The following KATNIP variants were observed in gnomAD, a reference collection of about 807,000 sequenced individuals.
KATNIP encodes katanin-interacting protein.
Under a neutral mutation model 174.0 loss-of-function variants are expected in KATNIP, and 126 were observed. That is an observed-to-expected ratio of 0.72 (90% CI 0.63 to 0.84). The LOEUF is 0.84. Ranked by LOEUF, KATNIP falls within the 40% of genes least tolerant of loss-of-function variation. The pLI, the probability that KATNIP is intolerant of heterozygous loss-of-function variation, is 0.00. For missense variants in KATNIP, 1,958 were observed against 2,109.7 expected (o/e 0.93, Z 1.41); for synonymous variants, 810 against 835.7 (o/e 0.97, Z 0.53).
At chr16:27,670,458 G>C (rs1465355819) in intron 6 of KATNIP, among the ~76,000 whole-genome samples, 1 of 152,162 alleles carries the variant, frequency 6.6e-6, no homozygotes, top group Non-Finnish European at 1.5e-5. Context: ...TGTCACCTGG[G>C]TGATATTTTC....
rs373203273 is a variant in KATNIP at position 27,573,974 on chromosome 16, G to T, written c.63+18G>T. Reference sequence around the variant, plus strand: ...AAAAGGAGGTAAATGTGTCCCTGGCGAGGGCTGATGGGAGGCAACTCTATT... The same window carrying T: ...AAAAGGAGGTAAATGTGTCCCTGGCTAGGGCTGATGGGAGGCAACTCTATT... On this transcript the variant is annotated intron_variant, in intron 2 of 27. Coordinates refer to ENST00000261588, the MANE Select transcript of KATNIP (RefSeq NM_015202.5). 2.5e-6 allele frequency: 4 copies of T among 1,611,976 alleles called. No individual in the cohort carries two copies. In the Admixed American group the frequency reaches 6.7e-5, roughly 27 times the overall value.
At chr16:27,552,185 C>G (rs945603609) in intron 1 of KATNIP, among the ~76,000 whole-genome samples, 6 of 152,032 alleles carry the variant, frequency 3.9e-5, no homozygotes, top group African/African-American at 1.4e-4. Context: ...ATAGAAAAAA[C>G]TACTCTCATT....
intron 2 of KATNIP, among the ~76,000 whole-genome samples, chr16:27,596,427 ATTCAGC>A (rs1321963675): frequency 6.6e-6 from 1 of 152,188 alleles, no homozygotes; most frequent in Non-Finnish European, 1.5e-5. Context: ...AACATCAGGA[ATTCAGC>A]TTAAAACCTA....
intron 2 of KATNIP, among the ~76,000 whole-genome samples, chr16:27,598,197 C>A (rs566094503): frequency 6.6e-6 from 1 of 151,448 alleles, no homozygotes; most frequent in Non-Finnish European, 1.5e-5. Flanking sequence ...ACTGAGAATG[C>A]GCCACCATTG....
intron 6 of KATNIP, among the ~76,000 whole-genome samples, chr16:27,657,125 T>C (rs1247421062): frequency 6.6e-6 from 1 of 152,050 alleles, no homozygotes; most frequent in Non-Finnish European, 1.5e-5. Context: ...ATTGTGGCCA[T>C]GTAAGAGAAT....
At chr16:27,692,593 G>C (rs1045993026) in intron 8 of KATNIP, among the ~76,000 whole-genome samples, 1 of 152,024 alleles carries the variant, frequency 6.6e-6, no homozygotes, top group Non-Finnish European at 1.5e-5. Flanking sequence ...ACCAGGGCCT[G>C]GCACCTGCTG....
At chr16:27,616,828 T>A (rs2076051272) in intron 2 of KATNIP, among the ~76,000 whole-genome samples, 1 of 126,380 alleles carries the variant, frequency 7.9e-6, no homozygotes, top group Non-Finnish European at 1.6e-5. Flanking sequence ...GGCAGGAGGA[T>A]CACTTGAGCC....
intron 7 of KATNIP, 30 bp downstream of exon 7, chr16:27,678,026 G>A (rs1567290648): frequency 1.2e-6 from 2 of 1,603,396 alleles, no homozygotes; most frequent in Non-Finnish European, 1.7e-6. Context: ...TCATTTCTTT[G>A]CCATTGGTGT....
At chr16:27,559,143 G>A (rs561314583) in intron 1 of KATNIP, among the ~76,000 whole-genome samples, 1 of 152,340 alleles carries the variant, frequency 6.6e-6, no homozygotes, top group African/African-American at 2.4e-5. Flanking sequence ...TTGCAAGGAA[G>A]AACTTGAAAC....
At chr16:27,701,352 C>T in intron 10 of KATNIP, 1 of 409,042 alleles carries the variant, frequency 2.4e-6, no homozygotes. Context: ...AGAAAGTTTA[C>T]AGTCACTCAT....
intron 18 of KATNIP, 71 bp from the exon 19 acceptor site, chr16:27,761,342 T>TG (rs2081947558): frequency 2.8e-6 from 4 of 1,452,858 alleles, no homozygotes; most frequent in Non-Finnish European, 3.7e-6. Context: ...AGCATTCCTC[T>TG]TCCTGTCTTC....
At position 27,756,125 on chromosome 16, in the gene KATNIP, G is replaced by T. The variant is rs146230193; in HGVS notation, c.3631+1874G>T. 2.7e-3 allele frequency among the ~76,000 whole-genome samples: 404 copies of T among 152,206 alleles called. 1 individual carries two copies. The highest frequency in any genetic ancestry group is 9.2e-3 in the African/African-American group (382 of 41,538). On this transcript the variant is annotated intron_variant, in intron 18 of 27. Transcript: ENST00000261588. ...ATCCCCTCCCTTATGGCCCTTCTGCGACCGCATCTCCTCCCCAGGAGTCTT... is the reference window on the plus strand; with the variant it reads ...ATCCCCTCCCTTATGGCCCTTCTGCTACCGCATCTCCTCCCCAGGAGTCTT...
intron 2 of KATNIP, among the ~76,000 whole-genome samples, chr16:27,602,274 G>T (rs928698850): frequency 6.6e-6 from 1 of 152,132 alleles, no homozygotes; most frequent in African/African-American, 2.4e-5. Context: ...AAATCCAGTT[G>T]AAAGGATGTC....
intron 1 of KATNIP, among the ~76,000 whole-genome samples, chr16:27,552,034 C>T (rs1178394179): frequency 6.6e-6 from 1 of 152,066 alleles, no homozygotes; most frequent in Admixed American, 6.6e-5. Context: ...TAGACCCTGT[C>T]TCAAAAAAAC....
intron 2 of KATNIP, among the ~76,000 whole-genome samples, chr16:27,613,860 A>G (rs1369956207): frequency 6.6e-6 from 1 of 152,182 alleles, no homozygotes; most frequent in Non-Finnish European, 1.5e-5. Context: ...GGGAGGACAG[A>G]GTAGCCTCTG....
intron 15 of KATNIP, among the ~76,000 whole-genome samples, chr16:27,744,583 CTA>C (rs2081218019): frequency 6.6e-6 from 1 of 151,146 alleles, no homozygotes. Context: ...GACCCTGTCT[CTA>C]AAAAAATGAA....
rs905244709 is a variant in KATNIP, at chr16:27,628,900, G to C, written c.310+70G>C. The C allele has an allele frequency of 2.0e-6, 3 of 1,480,992 alleles. No individual in the cohort carries two copies. The African/African-American group carries it at 4.2e-5, about 20-fold the overall frequency. 91.7% of individuals were successfully genotyped at this position (1,480,992 alleles called of 1,614,324 possible). On this transcript the variant is annotated intron_variant, in intron 4 of 27. Coordinates refer to ENST00000261588, the MANE Select transcript of KATNIP (RefSeq NM_015202.5). ...AATTAATTAGGGGCAGGGTGCAGTGGCTCACACCTGTAATCACATCACTTT... is the reference window on the plus strand; with the variant it reads ...AATTAATTAGGGGCAGGGTGCAGTGCCTCACACCTGTAATCACATCACTTT...
rs544595496 is a variant in KATNIP, at chr16:27,592,944, C to T, written c.63+18988C>T. 1.1e-4 allele frequency among the ~76,000 whole-genome samples: 17 copies of T among 152,294 alleles called. No homozygotes were observed. In the South Asian group the frequency reaches 2.9e-3, roughly 26 times the overall value. On this transcript the variant is annotated intron_variant, in intron 2 of 27. Coordinates refer to ENST00000261588, the MANE Select transcript of KATNIP (RefSeq NM_015202.5). ...AAAAAATAAACTTAGTCTAGTTTAGCAGAAGGGGAACTTCATTACTTTCTC... is the reference window on the plus strand; with the variant it reads ...AAAAAATAAACTTAGTCTAGTTTAGTAGAAGGGGAACTTCATTACTTTCTC...
intron 2 of KATNIP, among the ~76,000 whole-genome samples, chr16:27,608,903 G>A (rs1234581567): frequency 1.3e-5 from 2 of 152,062 alleles, no homozygotes; most frequent in Non-Finnish European, 2.9e-5. Context: ...CCCTGCAAGC[G>A]CCACATCCTA....
Sources: gnomAD v4.1 joint callset for allele counts (sites outside exome capture counted in the v4.1 genomes callset) on GRCh38, gnomAD v4.1.1 for gene constraint, MANE v1.5 for transcripts, NCBI Gene and HGNC (gene_info 2026-07-23, HGNC 2026-07-21) for gene names.